LMAN1: variants seen among roughly 807,000 people sequenced by gnomAD.
LMAN1 encodes the protein lectin, mannose binding 1.
A neutral mutation model predicts 67.8 loss-of-function variants in LMAN1; 32 were observed. The ratio of observed to expected loss-of-function variants is 0.47; its 90% CI spans 0.36 to 0.63. The LOEUF (loss-of-function observed/expected upper bound fraction) is 0.63, where lower values mean the gene tolerates loss of function less well. Among genes scored for constraint, LMAN1 ranks in the 30% least tolerant of loss-of-function variants. The pLI, the probability that LMAN1 is intolerant of heterozygous loss-of-function variation, is 0.00. For missense variants in LMAN1, 632 were observed against 628.2 expected (o/e 1.01, Z -0.06); for synonymous variants, 235 against 219.3 (o/e 1.07, Z -0.63).
At chr18:59,339,686 G>C (rs943707529) in intron 8 of LMAN1, among the ~76,000 whole-genome samples, 1 of 152,192 alleles carries the variant, frequency 6.6e-6, no homozygotes, top group Non-Finnish European at 1.5e-5. Context: ...CATGGCTGCA[G>C]TCGCTGCAAT....
In LMAN1 at chr18:59,349,378, T is replaced by C. The variant is rs3737465; in HGVS notation, c.640-142A>G. ...AATAACGTTTCCTACTTGGTGTCAA[T>C]ATACAATATATTTTACTTAAAAAAA... is the stretch of plus-strand genomic sequence containing the variant. On this transcript the variant is annotated intron_variant, in intron 5 of 12. Coordinates refer to ENST00000251047, the MANE Select transcript of LMAN1 (RefSeq NM_005570.4). 180,218 of 757,860 alleles carry C rather than the reference T, an allele frequency of 0.24. 22,868 individuals carry two copies. Among genetic ancestry groups the C allele is most frequent in the Middle Eastern group, 0.27 (708 of 2,618 alleles). The allele number at this position is 757,860 out of a possible 1,614,324, so 46.9% of individuals were successfully genotyped here. A position where few individuals can be genotyped will look rare whatever the true frequency, so the allele number is the denominator to read the frequency against.
At chr18:59,347,626 C>T in intron 6 of LMAN1, 55 bp from the exon 7 acceptor site, 1 of 1,136,224 alleles carries the variant, frequency 8.8e-7, no homozygotes, top group Non-Finnish European at 1.3e-6. Context: ...TTACTTTTAT[C>T]ATTGTAAATG....
chr18:59,345,880 C>T, intron 8 of LMAN1, 39 bp downstream of exon 8: 1 of 1,612,694 alleles, frequency 6.2e-7, no homozygotes, highest in South Asian at 1.1e-5. Context: ...CAGCCTCAAG[C>T]CCTGCTGCGG....
chr18:59,338,749 T>C lies in LMAN1; in HGVS notation c.1149+11A>G. 1 of 1,614,034 alleles carries C rather than the reference T, an allele frequency of 6.2e-7. No homozygotes were observed. The highest frequency in any genetic ancestry group is 8.5e-7 in the Non-Finnish European group (1 of 1,179,890). On this transcript the variant is annotated intron_variant, in intron 9 of 12. Transcript: ENST00000251047. Reference sequence around the variant, plus strand: ...GTAAATGGGGCACATCTGCATATTCTGCAAGCCCACCTGCCCATGCTGCCC... The same window carrying C: ...GTAAATGGGGCACATCTGCATATTCCGCAAGCCCACCTGCCCATGCTGCCC...
chr18:59,347,538 T>A lies in LMAN1; in HGVS notation c.797A>T (p.Gln266Leu). ...CGGCTCTTTTCCAGGTTCAGTCAAC[T>A]GGAAAGTCAGAAAAGAAAGGACATC... ...DHDVLSFLTF[Q>L]LTEPGKEPPT... The change falls in exon 7 of 13, where the codon CAG (glutamine) becomes CTG (leucine). Residue 266 changes from glutamine to leucine, a missense_variant. Physicochemically the swap from Gln to Leu is moderately radical, Grantham distance 113. Coordinates refer to ENST00000251047, the MANE Select transcript of LMAN1 (RefSeq NM_005570.4). The A allele has an allele frequency of 6.2e-7, 1 of 1,610,608 alleles. No homozygotes were observed. Among genetic ancestry groups the A allele is most frequent in the Non-Finnish European group, 8.5e-7 (1 of 1,178,462 alleles).
In LMAN1 at chr18:59,331,493, G is replaced by A; in HGVS notation, c.1421C>T (p.Ser474Leu). Residue 474 changes from serine to leucine, a missense_variant, in exon 12 of 13, where the codon TCA becomes TTA. Coordinates refer to ENST00000251047, the MANE Select transcript of LMAN1 (RefSeq NM_005570.4). ...PKCPELPPFP[S>L]CLSTVHFIIF... ...AATGAAGTGGACCGTAGACAAACAT[G>A]ATGGAAATGGTGGTAGTTCTGGGCA... 1.2e-6 allele frequency: 2 copies of A among 1,612,210 alleles called. No individual in the cohort carries two copies. Among genetic ancestry groups the A allele is most frequent in the Admixed American group, 1.7e-5 (1 of 59,964 alleles).
chr18:59,344,441 G>A (rs1461434038), intron 8 of LMAN1, among the ~76,000 whole-genome samples: 1 of 151,942 alleles, frequency 6.6e-6, no homozygotes. Flanking sequence ...GTGTGTGTGT[G>A]TATATATGTA....
rs2070758343 is a variant in LMAN1, at chr18:59,333,102, G to T, written c.1363C>A (p.Gln455Lys). ...IVKRDIDNLV[Q>K]RNMPSNEKPK... ...GGAAACAAAGTTACCATATTTCGCT[G>T]CACTAAGTTATCTATGTCCCTCTTT... Residue 455 changes from glutamine to lysine, a missense_variant, in exon 11 of 13, where the codon CAG becomes AAG. By Grantham distance (53) the Gln-to-Lys change is moderately conservative. Transcript: ENST00000251047. 6.2e-7 allele frequency: 1 copy of T among 1,612,754 alleles called. No individual in the cohort carries two copies. Among genetic ancestry groups the T allele is most frequent in the African/African-American group, 1.3e-5 (1 of 74,864 alleles).
In LMAN1 at chr18:59,328,455, A is replaced by C. The variant is rs936158898; in HGVS notation, c.*2638T>G. 5 of 152,216 alleles carry C rather than the reference A, an allele frequency of 3.3e-5. No individual in the cohort carries two copies. The highest frequency in any genetic ancestry group is 1.2e-4 in the African/African-American group (5 of 41,456). The allele number at this position is 152,216 out of a possible 1,614,324, so 9.4% of individuals were successfully genotyped here. A position where few individuals can be genotyped will look rare whatever the true frequency, so the allele number is the denominator to read the frequency against. On this transcript the variant is annotated 3_prime_UTR_variant, in exon 13 of 13. Coordinates refer to ENST00000251047, the MANE Select transcript of LMAN1 (RefSeq NM_005570.4). ...TGCTCATGAACCACGCGTTTTAATAAAAGGAACATTAAGTAAATTGTAGGT... is the reference window on the plus strand; with the variant it reads ...TGCTCATGAACCACGCGTTTTAATACAAGGAACATTAAGTAAATTGTAGGT...
chr18:59,353,882 G>A (rs925852313), intron 4 of LMAN1, among the ~76,000 whole-genome samples: 4 of 152,058 alleles, frequency 2.6e-5, no homozygotes, highest in African/African-American at 7.2e-5. Flanking sequence ...ATATCCTCTT[G>A]TATACTTTAA....
At chr18:59,346,477 G>A (rs866649944) in intron 7 of LMAN1, among the ~76,000 whole-genome samples, 6 of 151,544 alleles carry the variant, frequency 4.0e-5, no homozygotes, top group African/African-American at 7.3e-5. Flanking sequence ...CACCCGCCTC[G>A]GCCTCCCAAA....
intron 8 of LMAN1, among the ~76,000 whole-genome samples, chr18:59,345,404 T>C (rs554289677): frequency 3.3e-5 from 5 of 152,224 alleles, no homozygotes; most frequent in African/African-American, 4.8e-5. Flanking sequence ...CAGTCCAGGA[T>C]TCTATCGAGT....
At chr18:59,343,692 C>T (rs927446388) in intron 8 of LMAN1, among the ~76,000 whole-genome samples, 2 of 151,944 alleles carry the variant, frequency 1.3e-5, no homozygotes, top group Non-Finnish European at 2.9e-5. Flanking sequence ...TGAAACCATA[C>T]AAATCCTAAA....
chr18:59,349,023 T>C (rs1455987342), intron 6 of LMAN1, 90 bp downstream of exon 6: 6 of 1,451,114 alleles, frequency 4.1e-6, no homozygotes, highest in Non-Finnish European at 3.9e-6. Flanking sequence ...AAAAAGTTAT[T>C]AGTATAAACA....
chr18:59,354,839 G>T (rs1035331433), intron 3 of LMAN1, among the ~76,000 whole-genome samples: 1 of 152,302 alleles, frequency 6.6e-6, no homozygotes, highest in African/African-American at 2.4e-5. Flanking sequence ...TTTCCAATTT[G>T]TAAGTACATT....
intron 1 of LMAN1, 78 bp from the exon 2 acceptor site, chr18:59,355,736 A>G (rs1908647525): frequency 6.8e-7 from 1 of 1,460,434 alleles, no homozygotes; most frequent in Non-Finnish European, 9.5e-7. Flanking sequence ...ACTGCTAAAT[A>G]TACCTACAGA....
At chr18:59,345,403 A>G (rs1021376657) in intron 8 of LMAN1, among the ~76,000 whole-genome samples, 1 of 152,200 alleles carries the variant, frequency 6.6e-6, no homozygotes, top group African/African-American at 2.4e-5. Flanking sequence ...ACAGTCCAGG[A>G]TTCTATCGAG....
At chr18:59,355,181 A>G in intron 3 of LMAN1, 132 bp downstream of exon 3, 3 of 734,154 alleles carry the variant, frequency 4.1e-6, no homozygotes. Context: ...ACTAATTATC[A>G]CATTTACCAT....
intron 8 of LMAN1, among the ~76,000 whole-genome samples, chr18:59,341,746 A>G (rs1450289217): frequency 6.6e-6 from 1 of 152,122 alleles, no homozygotes; most frequent in Non-Finnish European, 1.5e-5. Flanking sequence ...GAAAGATCGC[A>G]AACAATCTAA....
Sources: gnomAD v4.1 joint callset for allele counts (sites outside exome capture counted in the v4.1 genomes callset) on GRCh38, gnomAD v4.1.1 for gene constraint, MANE v1.5 for transcripts, NCBI Gene and HGNC (gene_info 2026-07-23, HGNC 2026-07-21) for gene names.